Variants in SNX24 observed in about 807,000 individuals in gnomAD.
SNX24 encodes sorting nexin-24.
SNX24 carries 22 observed loss-of-function variants against 28.7 expected under a neutral mutation model. The observed-to-expected ratio is 0.77, with a 90% confidence interval of 0.55 to 1.10. SNX24 has a LOEUF of 1.10. Ranked by LOEUF, SNX24 falls within the 50% of genes least tolerant of loss-of-function variation. The pLI is 0.00. For missense variants in SNX24, 221 were observed against 201.1 expected (o/e 1.10, Z -0.60); for synonymous variants, 69 against 71.5 (o/e 0.96, Z 0.18).
chr5:122,917,626 G>A (rs376585210), intron 1 of SNX24, among the ~76,000 whole-genome samples: 32 of 152,118 alleles, frequency 2.1e-4, no homozygotes, highest in African/African-American at 3.1e-4. Flanking sequence ...GGTGATGTGC[G>A]TCATAAAATT....
Position 122,937,209 on chromosome 5 carries a change from A to G in SNX24, c.144+392A>G, listed in dbSNP as rs372042078. Among the ~76,000 whole-genome samples the G allele has an allele frequency of 1.1e-4, 16 of 152,362 alleles. 2 individuals are homozygous for G. Among genetic ancestry groups the G allele is most frequent in the East Asian group, 3.9e-4 (2 of 5,182 alleles). On this transcript the variant is annotated intron_variant, in intron 2 of 6. Coordinates refer to ENST00000261369, the MANE Select transcript of SNX24 (RefSeq NM_014035.4). ...AAGTAACTTATTAAAGTCAACTTAT[A>G]CTTACATGTACCTGGAAAAGATCAT...
intron 1 of SNX24, among the ~76,000 whole-genome samples, chr5:122,897,608 G>T (rs1757259195): frequency 6.6e-6 from 1 of 152,146 alleles, no homozygotes; most frequent in East Asian, 1.9e-4. Context: ...GACAATACAA[G>T]AATATTGTAA....
At chr5:122,961,678 G>A (rs571107526) in intron 3 of SNX24, among the ~76,000 whole-genome samples, 1 of 152,272 alleles carries the variant, frequency 6.6e-6, no homozygotes, top group South Asian at 2.1e-4. Context: ...AGATCTAGAT[G>A]ATGATATAGA....
intron 1 of SNX24, among the ~76,000 whole-genome samples, chr5:122,892,560 C>T (rs975093743): frequency 2.0e-5 from 3 of 151,722 alleles, no homozygotes; most frequent in South Asian, 2.1e-4. Flanking sequence ...GTTCCTTAGC[C>T]TCCCGAGTAG....
chr5:123,015,815 G>C (rs1762669775), intron 5 of SNX24, among the ~76,000 whole-genome samples: 1 of 152,044 alleles, frequency 6.6e-6, no homozygotes, highest in African/African-American at 2.4e-5. Flanking sequence ...AAATCAAACA[G>C]AATGCCAGCA....
intron 6 of SNX24, among the ~76,000 whole-genome samples, chr5:123,004,649 G>A (rs974988640): frequency 2.6e-5 from 4 of 152,118 alleles, no homozygotes; most frequent in Non-Finnish European, 5.9e-5. Context: ...TGTTTGCAAG[G>A]CCCTCTGTGG....
At chr5:122,942,396 C>T (rs1349322931) in intron 2 of SNX24, among the ~76,000 whole-genome samples, 3 of 152,322 alleles carry the variant, frequency 2.0e-5, no homozygotes, top group African/African-American at 7.2e-5. Flanking sequence ...TCAAAGGGAA[C>T]CCTGAGGAAG....
intron 1 of SNX24, among the ~76,000 whole-genome samples, chr5:122,865,103 CTG>C (rs1755656423): frequency 6.6e-6 from 1 of 152,214 alleles, no homozygotes; most frequent in Non-Finnish European, 1.5e-5. Flanking sequence ...AAGGAGAAGA[CTG>C]TGGGTAGAGC....
chr5:122,912,979 A>G (rs1757959683), intron 1 of SNX24, among the ~76,000 whole-genome samples: 1 of 152,230 alleles, frequency 6.6e-6, no homozygotes, highest in South Asian at 2.1e-4. Flanking sequence ...CCCTTAATCC[A>G]TTTAACCCTG....
At chr5:122,885,807 G>C (rs1756682645) in intron 1 of SNX24, among the ~76,000 whole-genome samples, 1 of 152,190 alleles carries the variant, frequency 6.6e-6, no homozygotes, top group South Asian at 2.1e-4. Flanking sequence ...TGCTAGTGCA[G>C]TGGTCCCCAA....
At chr5:122,934,773 C>A (rs1227743326) in intron 1 of SNX24, among the ~76,000 whole-genome samples, 1 of 152,146 alleles carries the variant, frequency 6.6e-6, no homozygotes, top group Admixed American at 6.5e-5. Flanking sequence ...TAGTATTAGG[C>A]ATATTGTGTG....
chr5:122,911,563 GTAATGCC>G (rs1757890320), intron 1 of SNX24, among the ~76,000 whole-genome samples: 1 of 149,288 alleles, frequency 6.7e-6, no homozygotes, highest in Non-Finnish European at 1.5e-5. Flanking sequence ...GTCCTGAATG[GTAATGCC>G]TAGGTTTTCT....
At chr5:122,929,632 A>C (rs1386250137) in intron 1 of SNX24, among the ~76,000 whole-genome samples, 2 of 152,112 alleles carry the variant, frequency 1.3e-5, no homozygotes, top group African/African-American at 4.8e-5. Context: ...TTATCTTGAA[A>C]AATTTAAGTC....
chr5:122,876,646 G>A (rs1756235533), intron 1 of SNX24, among the ~76,000 whole-genome samples: 1 of 152,154 alleles, frequency 6.6e-6, no homozygotes, highest in Non-Finnish European at 1.5e-5. Context: ...ACCTCAAGGA[G>A]TTTTTAGTTT....
intron 3 of SNX24, among the ~76,000 whole-genome samples, chr5:122,954,592 C>A (rs1760123533): frequency 6.6e-6 from 1 of 151,182 alleles, no homozygotes; most frequent in South Asian, 2.1e-4. Context: ...TTACTTTCCT[C>A]TTGAACATTA....
chr5:122,900,350 A>G (rs1442993680), intron 1 of SNX24, among the ~76,000 whole-genome samples: 1 of 152,244 alleles, frequency 6.6e-6, no homozygotes, highest in Non-Finnish European at 1.5e-5. Context: ...AATTTTTAAA[A>G]TGTGAACTAT....
At position 123,028,772 on chromosome 5, in the gene SNX24, T is replaced by G. The variant is rs749454220; in HGVS notation, n.384-466T>G. ...TGGGAAAGGAAAAATGCAAAGACGT[T>G]ACCCCCAGTGCCATCTCCAGTGGTG... is the stretch of plus-strand genomic sequence containing the variant. On this transcript the variant is annotated intron_variant and non_coding_transcript_variant, in intron 5 of 5. Coordinates refer to the SNX24 transcript ENST00000502387. 3.7e-6 allele frequency: 6 copies of G among 1,606,704 alleles called. No homozygotes were observed. In the South Asian group the frequency reaches 6.6e-5, roughly 18 times the overall value.
chr5:122,852,479 G>A (rs1040502832), intron 1 of SNX24, among the ~76,000 whole-genome samples: 1 of 151,988 alleles, frequency 6.6e-6, no homozygotes, highest in Admixed American at 6.6e-5. Context: ...AAGTAGCTGG[G>A]ACTACAGGTG....
intron 1 of SNX24, among the ~76,000 whole-genome samples, chr5:122,884,251 C>CTTTTTTTTTTTT (rs758617172): frequency 3.2e-5 from 3 of 92,748 alleles, no homozygotes; most frequent in Admixed American, 1.5e-4. Flanking sequence ...GTTTCTTTTT[C>CTTTTTTTTTTTT]TTTTTTTTTT....
Sources: allele counts gnomAD v4.1 joint callset (sites outside exome capture counted in the v4.1 genomes callset), GRCh38; gene constraint gnomAD v4.1.1; transcripts MANE v1.5; gene names NCBI Gene and HGNC (gene_info 2026-07-23, HGNC 2026-07-21).